KHDRBS2: variants seen among roughly 807,000 people sequenced by gnomAD.
The protein encoded by KHDRBS2 is KH domain-containing, RNA-binding, signal transduction-associated protein 2.
In KHDRBS2, 26 loss-of-function variants were observed where a neutral mutation model predicts 44.3. The observed-to-expected ratio is 0.59, with a 90% confidence interval of 0.43 to 0.81. KHDRBS2 has a LOEUF of 0.81. KHDRBS2 is among the 40% of genes least tolerant of loss of function. The pLI, the probability that KHDRBS2 is intolerant of heterozygous loss-of-function variation, is 0.00. For missense variants in KHDRBS2, 476 were observed against 433.1 expected (o/e 1.10, Z -0.88); for synonymous variants, 194 against 151.1 (o/e 1.28, Z -2.08).
intron 2 of KHDRBS2, among the ~76,000 whole-genome samples, chr6:62,055,064 A>T (rs939649451): frequency 1.3e-5 from 2 of 152,038 alleles, no homozygotes; most frequent in African/African-American, 4.8e-5. Context: ...AAAATTTTCT[A>T]ATATTTTTAA....
intron 6 of KHDRBS2, among the ~76,000 whole-genome samples, chr6:61,833,026 C>A (rs1396251872): frequency 6.6e-6 from 1 of 152,094 alleles, no homozygotes; most frequent in Non-Finnish European, 1.5e-5. Flanking sequence ...GTAATTTGTG[C>A]TGATCCTTAC....
Position 61,770,197 on chromosome 6 carries a change from A to G in KHDRBS2, c.811-37433T>C, listed in dbSNP as rs149890161. ...CAAAACCCATCTGTACGTCACTATC[A>G]TCAAAGACCAAAGGTAGATAAAACC... On this transcript the variant is annotated intron_variant, in intron 6 of 8. Transcript: ENST00000281156. Among the ~76,000 whole-genome samples, 270 of 152,338 alleles carry G rather than the reference A, an allele frequency of 1.8e-3. 1 individual carries two copies. The highest frequency in any genetic ancestry group is 6.2e-3 in the African/African-American group (256 of 41,582).
At chr6:61,640,583 ATTG>A in the KHDRBS2 span, among the ~76,000 whole-genome samples, 2 of 152,106 alleles carry the variant, frequency 1.3e-5, no homozygotes, top group Non-Finnish European at 2.9e-5. Context: ...AGGACCCATC[ATTG>A]TTACTCATAA....
chr6:61,658,747 A>C, the KHDRBS2 span, among the ~76,000 whole-genome samples: 1 of 151,952 alleles, frequency 6.6e-6, no homozygotes, highest in Non-Finnish European at 1.5e-5. Flanking sequence ...GCATTTTAAA[A>C]TAGTACACAA....
At chr6:61,752,443 G>A (rs1582608962) in intron 6 of KHDRBS2, among the ~76,000 whole-genome samples, 1 of 152,004 alleles carries the variant, frequency 6.6e-6, no homozygotes, top group Non-Finnish European at 1.5e-5. Context: ...AAATCATGTT[G>A]CTAAATCTGC....
chr6:61,791,085 C>T (rs897006382), intron 6 of KHDRBS2, among the ~76,000 whole-genome samples: 2 of 151,270 alleles, frequency 1.3e-5, no homozygotes, highest in Non-Finnish European at 3.0e-5. Context: ...ATTTTAATGT[C>T]CATAGTTTGA....
intron 3 of KHDRBS2, among the ~76,000 whole-genome samples, chr6:62,004,240 C>CA (rs1017185384): frequency 5.9e-5 from 9 of 151,714 alleles, no homozygotes; most frequent in African/African-American, 2.2e-4. Flanking sequence ...AAAAGATCAG[C>CA]AAAATAGACC....
At chr6:61,810,560 T>A (rs771374601) in intron 6 of KHDRBS2, among the ~76,000 whole-genome samples, 1 of 151,966 alleles carries the variant, frequency 6.6e-6, no homozygotes, top group Non-Finnish European at 1.5e-5. Flanking sequence ...GTAAATAATG[T>A]AAAAATTTAA....
At chr6:61,975,931 C>A (rs958170972) in intron 4 of KHDRBS2, among the ~76,000 whole-genome samples, 19 of 152,234 alleles carry the variant, frequency 1.2e-4, no homozygotes, top group Non-Finnish European at 1.5e-5. Context: ...CATGTCAACA[C>A]TTTGGAGAAT....
intron 4 of KHDRBS2, among the ~76,000 whole-genome samples, chr6:61,934,515 T>G (rs1368095041): frequency 2.0e-5 from 3 of 152,192 alleles, no homozygotes; most frequent in African/African-American, 7.2e-5. Context: ...ACCCAATAAA[T>G]AACATCTATT....
chr6:61,567,134 T>A, the KHDRBS2 span, among the ~76,000 whole-genome samples: 1 of 152,228 alleles, frequency 6.6e-6, no homozygotes, highest in Non-Finnish European at 1.5e-5. Flanking sequence ...AAGGATGCTA[T>A]CTGTTTCAAT....
At chr6:61,777,661 C>T (rs368271473) in intron 6 of KHDRBS2, among the ~76,000 whole-genome samples, 32 of 152,228 alleles carry the variant, frequency 2.1e-4, no homozygotes, top group Admixed American at 9.2e-4. Context: ...GACATTAGTA[C>T]ATTGATGCTC....
intron 1 of KHDRBS2, among the ~76,000 whole-genome samples, chr6:62,200,371 A>T (rs1249655777): frequency 1.3e-5 from 2 of 152,194 alleles, no homozygotes; most frequent in African/African-American, 4.8e-5. Flanking sequence ...TCTACAATGA[A>T]CTCAAACAAA....
chr6:62,069,455 T>A lies in KHDRBS2; in HGVS notation c.220-21461A>T, dbSNP rs376155261. 9.2e-5 allele frequency among the ~76,000 whole-genome samples: 14 copies of A among 151,838 alleles called. 1 individual carries two copies. Among genetic ancestry groups the A allele is most frequent in the African/African-American group, 3.4e-4 (14 of 41,512 alleles). On this transcript the variant is annotated intron_variant, in intron 2 of 8. Transcript: ENST00000281156. ...CTACAGTACATATCAAGTTATTATT[T>A]TTTTCTTGTAATATCATGACTTTGC...
At chr6:61,809,518 T>C (rs1787764773) in intron 6 of KHDRBS2, among the ~76,000 whole-genome samples, 1 of 152,086 alleles carries the variant, frequency 6.6e-6, no homozygotes, top group South Asian at 2.1e-4. Flanking sequence ...AAGAAAAAAA[T>C]TGACCTTCAT....
At chr6:61,549,357 A>G in the KHDRBS2 span, among the ~76,000 whole-genome samples, 1 of 152,174 alleles carries the variant, frequency 6.6e-6, no homozygotes, top group Non-Finnish European at 1.5e-5. Flanking sequence ...TGAATAACTC[A>G]AAGAACATTT....
At chr6:62,128,517 T>G (rs867733802) in intron 2 of KHDRBS2, among the ~76,000 whole-genome samples, 23 of 151,310 alleles carry the variant, frequency 1.5e-4, no homozygotes, top group Admixed American at 7.3e-4. Flanking sequence ...AGTCAAAAAT[T>G]TAATGATCTC....
At chr6:62,187,328 A>G (rs1018539035) in intron 1 of KHDRBS2, among the ~76,000 whole-genome samples, 1 of 152,116 alleles carries the variant, frequency 6.6e-6, no homozygotes, top group Non-Finnish European at 1.5e-5. Context: ...TCAATCATTC[A>G]TATTCTTACT....
intron 4 of KHDRBS2, among the ~76,000 whole-genome samples, chr6:61,923,305 G>T (rs1363233514): frequency 3.3e-5 from 5 of 151,906 alleles, no homozygotes; most frequent in Non-Finnish European, 5.9e-5. Context: ...TAATATCACC[G>T]CAGATTATGC....
Sources: gnomAD v4.1 joint callset for allele counts (sites outside exome capture counted in the v4.1 genomes callset) on GRCh38, gnomAD v4.1.1 for gene constraint, MANE v1.5 for transcripts, NCBI Gene and HGNC (gene_info 2026-07-23, HGNC 2026-07-21) for gene names.